The following CDKN1A variants were observed in gnomAD, a reference collection of about 807,000 sequenced individuals.
The protein encoded by CDKN1A is cyclin dependent kinase inhibitor 1A.
CDKN1A carries 14 observed loss-of-function variants against 14.8 expected under a neutral mutation model. That is an observed-to-expected ratio of 0.94 (90% CI 0.62 to 1.48). The LOEUF is 1.48. Ranked by LOEUF, CDKN1A falls within the 40% of genes most tolerant of loss-of-function variation. The pLI is 0.00. For synonymous variants in CDKN1A, 92 were observed against 93.5 expected (o/e 0.98, Z 0.09); for missense variants, 203 against 231.7 (o/e 0.88, Z 0.80).
At chr6:36,680,721 A>G (rs905148924) in intron 1 of CDKN1A, 1 of 152,236 alleles carries the variant, frequency 6.6e-6, no homozygotes, top group Non-Finnish European at 1.5e-5. Context: ...ATCAACCCCT[A>G]TGCCATTACC....
chr6:36,681,215 G>T (rs375170115), intron 1 of CDKN1A, among the ~76,000 whole-genome samples: 5 of 151,298 alleles, frequency 3.3e-5, no homozygotes, highest in African/African-American at 1.2e-4. Context: ...AGTTGGTCTC[G>T]GGAGGCAGGG....
intron 1 of CDKN1A, among the ~76,000 whole-genome samples, chr6:36,681,293 TTTCTTTC>T (rs1761948239): frequency 8.6e-6 from 1 of 115,694 alleles, no homozygotes; most frequent in African/African-American, 3.3e-5. Context: ...TCTTTCTTTC[TTTCTTTC>T]TTTCTTTCTT....
rs375757702 is a variant in CDKN1A at position 36,684,576 on chromosome 6, A to G, written c.445+30A>G. The G allele has an allele frequency of 2.6e-5, 42 of 1,598,278 alleles. No homozygotes were observed. The African/African-American group carries it at 5.6e-4, about 21-fold the overall frequency. On this transcript the variant is annotated intron_variant, in intron 2 of 2. Transcript: ENST00000244741. This position sits in a 1 kb window ranked among gnomAD's most constrained non-coding sequence, Gnocchi z 6.0. ...GGACATGTGCACGGAAGGACTTTGTAAGGGACCAGGATTCTCAGAATCCAT... is the reference window on the plus strand; with the variant it reads ...GGACATGTGCACGGAAGGACTTTGTGAGGGACCAGGATTCTCAGAATCCAT...
upstream of CDKN1A, among the ~76,000 whole-genome samples, chr6:36,677,147 G>C (rs1487041031): frequency 4.6e-5 from 7 of 152,160 alleles, no homozygotes; most frequent in Non-Finnish European, 1.0e-4. Flanking sequence ...CAGCAGTGGG[G>C]CTTAGAGTGG....
At chr6:36,681,293 TTTC>T (rs1562038058) in intron 1 of CDKN1A, among the ~76,000 whole-genome samples, 41 of 115,690 alleles carry the variant, frequency 3.5e-4, no homozygotes, top group Non-Finnish European at 1.3e-4. Flanking sequence ...TCTTTCTTTC[TTTC>T]TTTCTTTCTT....
chr6:36,685,120 G>T (rs914465769), intron 2 of CDKN1A, among the ~76,000 whole-genome samples: 3 of 152,196 alleles, frequency 2.0e-5, no homozygotes, highest in Admixed American at 6.5e-5. Context: ...GATTACAGGC[G>T]TGAGCCACCA....
At chr6:36,681,340 T>TTC (rs1211208615) in intron 1 of CDKN1A, among the ~76,000 whole-genome samples, 24 of 134,318 alleles carry the variant, frequency 1.8e-4, no homozygotes, top group African/African-American at 6.6e-4. Context: ...TTCTTTTTCT[T>TTC]TCTTTCTTTC....
At chr6:36,679,506 C>G (rs1210920201) in intron 1 of CDKN1A, among the ~76,000 whole-genome samples, 1 of 152,212 alleles carries the variant, frequency 6.6e-6, no homozygotes, top group Non-Finnish European at 1.5e-5. Context: ...GGATGGGGTA[C>G]AGCGGGACTC....
intron 1 of CDKN1A, among the ~76,000 whole-genome samples, chr6:36,680,307 C>CGGGTGTGT (rs1554185236): frequency 7.5e-6 from 1 of 133,188 alleles, no homozygotes; most frequent in South Asian, 2.6e-4. Flanking sequence ...TCTGCGCGGG[C>CGGGTGTGT]GTGTGTGTGT....
At chr6:36,681,021 AG>A (rs2150308336) in intron 1 of CDKN1A, among the ~76,000 whole-genome samples, 4 of 152,196 alleles carry the variant, frequency 2.6e-5, no homozygotes, top group Non-Finnish European at 5.9e-5. Context: ...AACTCCCGAG[AG>A]CCAGGGAATA....
chr6:36,679,644 G>C (rs968455571), intron 1 of CDKN1A, among the ~76,000 whole-genome samples: 28 of 152,326 alleles, frequency 1.8e-4, no homozygotes, highest in African/African-American at 6.3e-4. Context: ...TCGGGTCCCC[G>C]CTCCGCGGCG....
Position 36,684,490 on chromosome 6 carries a change from C to T in CDKN1A, c.389C>T (p.Ser130Phe), listed in dbSNP as rs1762133803. 2 of 1,614,074 alleles carry T rather than the reference C, an allele frequency of 1.2e-6. No individual in the cohort carries two copies. Among genetic ancestry groups the T allele is most frequent in the Non-Finnish European group, 1.7e-6 (2 of 1,180,044 alleles). The change falls in exon 2 of 3, where the codon TCC becomes TTC. Residue 130 changes from serine (S) to phenylalanine (F), a missense_variant. Transcript: ENST00000244741. The surrounding 1 kb of genome is among the most constrained non-coding windows in gnomAD (Gnocchi z 6.0). ...VPRSGEQAEG[S>F]PGGPGDSQGR... ...CGCTCAGGGGAGCAGGCTGAAGGGT[C>T]CCCAGGTGGACCTGGAGACTCTCAG... is the stretch of plus-strand genomic sequence containing the variant.
chr6:36,681,459 G>A (rs1191694582), intron 1 of CDKN1A, among the ~76,000 whole-genome samples: 1 of 127,266 alleles, frequency 7.9e-6, no homozygotes, highest in African/African-American at 3.0e-5. Flanking sequence ...CTTTTCTTTC[G>A]ACAGAGTTGC....
intron 2 of CDKN1A, 38 bp from the exon 3 acceptor site, chr6:36,685,713 T>G (rs1291692517): frequency 3.7e-6 from 6 of 1,612,648 alleles, no homozygotes; most frequent in Non-Finnish European, 5.1e-6. Context: ...CGCGTCCTCT[T>G]CTTCTTGGCC....
intron 1 of CDKN1A, among the ~76,000 whole-genome samples, chr6:36,681,411 T>TTCTCTTTC (rs147658277): frequency 0.12 from 10,512 of 87,428 alleles, 1,451 homozygotes; most frequent in Middle Eastern, 0.19. Context: ...CTTTCTTCCT[T>TTCTCTTTC]TCTCTTTCTC....
Position 36,684,195 on chromosome 6 carries a change from C to A in CDKN1A, c.94C>A (p.Arg32Ser). ...CCCAGTGGACAGCGAGCAGCTGAGC[C>A]GCGACTGTGATGCGCTAATGGCGGG... ...FGPVDSEQLS[R>S]DCDALMAGCI... The change falls in exon 2 of 3, where the codon CGC (arginine) becomes AGC (serine). Residue 32 changes from arginine to serine, a missense_variant. Arg to Ser is a moderately radical substitution (Grantham distance 110). Coordinates refer to ENST00000244741, the MANE Select transcript of CDKN1A (RefSeq NM_000389.5). This position sits in a 1 kb window ranked among gnomAD's most constrained non-coding sequence, Gnocchi z 6.0. 6.2e-7 allele frequency: 1 copy of A among 1,611,878 alleles called. No individual in the cohort carries two copies.
chr6:36,684,051 T>A lies in CDKN1A; in HGVS notation c.-5-46T>A, dbSNP rs1302768233. On this transcript the variant is annotated intron_variant, in intron 1 of 2. Coordinates refer to ENST00000244741, the MANE Select transcript of CDKN1A (RefSeq NM_000389.5). This position sits in a 1 kb window ranked among gnomAD's most constrained non-coding sequence, Gnocchi z 6.0. ...CAAAGCCCGGCCAGGTAACATAGTG[T>A]CTAATCTCCGCCGTGACCAGGGCCT... 4 of 1,583,456 alleles carry A rather than the reference T, an allele frequency of 2.5e-6. No homozygotes were observed. In the Admixed American group the frequency reaches 5.1e-5, roughly 20 times the overall value.
rs1762244081 is a variant in CDKN1A at position 36,687,310 on chromosome 6, A to G, written c.*1510A>G. On this transcript the variant is annotated 3_prime_UTR_variant, in exon 3 of 3. Transcript: ENST00000244741. ...ATGCTGAATATACAGCAGGTGCTCA[A>G]TAAATGATTCTTAGTGACTTTACTT... 1 of 232,166 alleles carries G rather than the reference A, an allele frequency of 4.3e-6. No homozygotes were observed. Among genetic ancestry groups the G allele is most frequent in the African/African-American group, 2.2e-5 (1 of 45,372 alleles). 14.4% of individuals were successfully genotyped at this position (232,166 alleles called of 1,614,324 possible).
At chr6:36,677,311 C>G (rs371663955), upstream of CDKN1A, among the ~76,000 whole-genome samples, 1 of 152,096 alleles carries the variant, frequency 6.6e-6, no homozygotes, top group Non-Finnish European at 1.5e-5. Flanking sequence ...CTGTCCTCCC[C>G]GAGGTCAGCT....
Sources: allele counts gnomAD v4.1 joint callset (sites outside exome capture counted in the v4.1 genomes callset), GRCh38; gene constraint gnomAD v4.1.1; non-coding constraint Gnocchi (gnomAD v3.1); transcripts MANE v1.5; gene names NCBI Gene and HGNC (gene_info 2026-07-23, HGNC 2026-07-21).